Variants in VAPA observed in about 807,000 individuals in gnomAD.
VAPA encodes VAMP associated protein A.
A neutral mutation model predicts 25.6 loss-of-function variants in VAPA; 6 were observed. The observed-to-expected ratio is 0.23, with a 90% CI of 0.13 to 0.46. VAPA has a LOEUF of 0.46. Ranked by LOEUF, VAPA falls within the 20% of genes least tolerant of loss-of-function variation. The pLI, the probability that VAPA is intolerant of heterozygous loss-of-function variation, is 0.99. For synonymous variants in VAPA, 112 were observed against 106.2 expected, an observed-to-expected ratio of 1.05 and a Z score of -0.34; for missense variants, 244 against 302.1, an observed-to-expected ratio of 0.81 and a Z score of 1.43.
At position 9,954,293 on chromosome 18, in the gene VAPA, AGTATGGCCCAC is replaced by A; in HGVS notation, c.*84_*94del. The A allele has an allele frequency of 7.6e-7, 1 of 1,314,990 alleles. No homozygotes were observed. The highest frequency in any genetic ancestry group is 1.0e-6 in the Non-Finnish European group (1 of 952,462). The allele number at this position is 1,314,990 out of a possible 1,614,324, so 81.5% of individuals were successfully genotyped here. On this transcript the variant is annotated 3_prime_UTR_variant, in exon 6 of 6. Transcript: ENST00000400000. Reference sequence around the variant, plus strand: ...TTTGTTTACCTACCATTTCATTGGTAGTATGGCCCACGGTGACCATTTTTTTGTGTGTACAG... The same window carrying A: ...TTTGTTTACCTACCATTTCATTGGTAGGTGACCATTTTTTTGTGTGTACAG...
chr18:9,954,425 C>T lies in VAPA; in HGVS notation c.*214C>T. 2.1e-6 allele frequency: 1 copy of T among 467,298 alleles called. No homozygotes were observed. Among genetic ancestry groups the T allele is most frequent in the Non-Finnish European group, 3.7e-6 (1 of 267,272 alleles). The allele number at this position is 467,298 out of a possible 1,614,324, so 28.9% of individuals were successfully genotyped here. A position where few individuals can be genotyped will look rare whatever the true frequency, so the allele number is the denominator to read the frequency against. On this transcript the variant is annotated 3_prime_UTR_variant, in exon 6 of 6. Transcript: ENST00000400000. The stretch of plus-strand genomic sequence containing the variant: ...CTGGACAGGTTGTATATTACCAGAT[C>T]ATCACTAGCAGATGTCAGTTGCACA...
intron 2 of VAPA, among the ~76,000 whole-genome samples, chr18:9,932,830 C>T (rs185840339): frequency 1.0e-3 from 156 of 152,216 alleles, no homozygotes; most frequent in African/African-American, 3.5e-3. Flanking sequence ...ACATTTAGGC[C>T]GGGCGCGGTG....
chr18:9,914,047 T>C lies in VAPA; in HGVS notation c.-210T>C, dbSNP rs2069086747. ...CGCAAGTGCGCGTGGCCGTGGCGGC[T>C]GGTGTGGGGTTGAGTCAGTTGTGGG... On this transcript the variant is annotated 5_prime_UTR_variant, in exon 1 of 6. Transcript: ENST00000400000. 1 of 477,422 alleles carries C rather than the reference T, an allele frequency of 2.1e-6. No individual in the cohort carries two copies. Among genetic ancestry groups the C allele is most frequent in the South Asian group, 2.7e-5 (1 of 36,674 alleles). The allele number at this position is 477,422 out of a possible 1,614,324, so 29.6% of individuals were successfully genotyped here. A position where few individuals can be genotyped will look rare whatever the true frequency, so the allele number is the denominator to read the frequency against.
intron 5 of VAPA, 73 bp from the exon 6 acceptor site, chr18:9,953,980 A>T: frequency 6.3e-7 from 1 of 1,576,198 alleles, no homozygotes. Context: ...CCGTCCCTAT[A>T]GATTTTTAGC....
At chr18:9,948,370 T>C (rs1361542479) in intron 4 of VAPA, 2 of 152,176 alleles carry the variant, frequency 1.3e-5, no homozygotes, top group African/African-American at 2.4e-5. Flanking sequence ...AGGCATAGAA[T>C]AGAATATTTA....
At chr18:9,932,361 A>G (rs186830587) in intron 2 of VAPA, among the ~76,000 whole-genome samples, 1 of 152,302 alleles carries the variant, frequency 6.6e-6, no homozygotes, top group East Asian at 1.9e-4. Flanking sequence ...AAAAGGTGCA[A>G]TGCCACTTTT....
chr18:9,926,030 C>T (rs2069197568), intron 1 of VAPA, among the ~76,000 whole-genome samples: 1 of 152,066 alleles, frequency 6.6e-6, no homozygotes, highest in Non-Finnish European at 1.5e-5. Context: ...TGTTTACCTT[C>T]TAAGTTGAAT....
chr18:9,921,002 CT>C (rs1480998042), intron 1 of VAPA, among the ~76,000 whole-genome samples: 1 of 152,222 alleles, frequency 6.6e-6, no homozygotes, highest in Non-Finnish European at 1.5e-5. Flanking sequence ...AATAACAGTA[CT>C]TTCACATTAG....
At chr18:9,944,378 A>G (rs1356332554) in intron 4 of VAPA, among the ~76,000 whole-genome samples, 5 of 152,174 alleles carry the variant, frequency 3.3e-5, no homozygotes, top group Non-Finnish European at 5.9e-5. Context: ...TTTATCTATT[A>G]AAGGAATTTG....
chr18:9,921,120 C>T (rs2069153539), intron 1 of VAPA, among the ~76,000 whole-genome samples: 1 of 152,174 alleles, frequency 6.6e-6, no homozygotes, highest in African/African-American at 2.4e-5. Context: ...AAAATGATTG[C>T]CCAGTAAGTG....
In VAPA at chr18:9,956,221, G is replaced by C. The variant is rs1302988497; in HGVS notation, c.*2010G>C. ...TCACAGGTAGGTAGAGGCAGAGCTG[G>C]AACTAGATATCTGGTCTGTTGACTC... On this transcript the variant is annotated 3_prime_UTR_variant, in exon 6 of 6. Transcript: ENST00000400000. 6.6e-6 allele frequency: 1 copy of C among 152,138 alleles called. No homozygotes were observed. The highest frequency in any genetic ancestry group is 2.4e-5 in the African/African-American group (1 of 41,412). 9.4% of individuals were successfully genotyped at this position (152,138 alleles called of 1,614,324 possible).
At chr18:9,945,230 A>G (rs1035835829) in intron 4 of VAPA, among the ~76,000 whole-genome samples, 9 of 152,182 alleles carry the variant, frequency 5.9e-5, no homozygotes, top group African/African-American at 1.9e-4. Context: ...ATGCATACAA[A>G]CTATTCTGTT....
intron 1 of VAPA, among the ~76,000 whole-genome samples, chr18:9,918,929 C>CTCAG (rs2069134813): frequency 6.6e-6 from 1 of 152,190 alleles, no homozygotes; most frequent in Non-Finnish European, 1.5e-5. Flanking sequence ...TGGGGTCTTG[C>CTCAG]TCAGTTGCTC....
At position 9,937,004 on chromosome 18, in the gene VAPA, G is replaced by A. The variant is rs1127670; in HGVS notation, c.355G>A (p.Asp119Asn). The A allele has an allele frequency of 1.9e-6, 3 of 1,613,674 alleles. No individual in the cohort carries two copies. Among genetic ancestry groups the A allele is most frequent in the Non-Finnish European group, 2.5e-6 (3 of 1,179,872 alleles). The change falls in exon 4 of 6, where the codon GAT becomes AAT. Residue 119 changes from aspartate (D) to asparagine (N), a missense_variant. Asp to Asn is a conservative substitution (Grantham distance 23). Around this residue, in one of 2 missense-constraint regions of VAPA, gnomAD observed 99 missense variants for 161.6 expected, o/e 0.61. Coordinates refer to ENST00000400000, the MANE Select transcript of VAPA (RefSeq NM_194434.3). ...MEAVWKEAKP[D>N]ELMDSKLRCV... ...TTTTTAGTGGAAAGAGGCAAAACCT[G>A]ATGAATTAATGGATTCCAAATTGAG...
At chr18:9,938,525 T>C (rs1263824068) in intron 4 of VAPA, among the ~76,000 whole-genome samples, 2 of 152,226 alleles carry the variant, frequency 1.3e-5, no homozygotes, top group African/African-American at 4.8e-5. Flanking sequence ...GGGTCTGTTT[T>C]AGCGCTTGAA....
rs2069538098 is a variant in VAPA, at chr18:9,955,422, T to C, written c.*1211T>C. On this transcript the variant is annotated 3_prime_UTR_variant, in exon 6 of 6. Coordinates refer to ENST00000400000, the MANE Select transcript of VAPA (RefSeq NM_194434.3). ...GTATGCGTTACAGGGTTTGATACTT[T>C]CCTGCACTTAGGTTTGTCCTATTCT... 6.6e-6 allele frequency: 1 copy of C among 152,232 alleles called. No homozygotes were observed. Among genetic ancestry groups the C allele is most frequent in the African/African-American group, 2.4e-5 (1 of 41,470 alleles). 9.4% of individuals were successfully genotyped at this position (152,232 alleles called of 1,614,324 possible). A position where few individuals can be genotyped will look rare whatever the true frequency, so the allele number is the denominator to read the frequency against.
intron 4 of VAPA, chr18:9,949,209 C>G (rs528318693): frequency 1.3e-5 from 2 of 152,204 alleles, no homozygotes; most frequent in Non-Finnish European, 2.9e-5. Context: ...AAAAAGCTAG[C>G]AAGAGAAAAA....
At position 9,956,007 on chromosome 18, in the gene VAPA, A is replaced by G. The variant is rs1051083826; in HGVS notation, c.*1796A>G. On this transcript the variant is annotated 3_prime_UTR_variant, in exon 6 of 6. Transcript: ENST00000400000. ...TTGGCTTAAAGCTCTTATATAATCA[A>G]TATTATTGGTGGTAAATACCAAGTT... is the stretch of plus-strand genomic sequence containing the variant. 3 of 152,166 alleles carry G rather than the reference A, an allele frequency of 2.0e-5. No individual in the cohort carries two copies. Among genetic ancestry groups the G allele is most frequent in the African/African-American group, 4.8e-5 (2 of 41,434 alleles). The allele number at this position is 152,166 out of a possible 1,614,324, so 9.4% of individuals were successfully genotyped here. A position where few individuals can be genotyped will look rare whatever the true frequency, so the allele number is the denominator to read the frequency against.
At chr18:9,937,275 C>T (rs965700462) in intron 4 of VAPA, among the ~76,000 whole-genome samples, 5 of 145,840 alleles carry the variant, frequency 3.4e-5, no homozygotes, top group African/African-American at 1.0e-4. Flanking sequence ...AAGAAAGACT[C>T]ACTTTTAGGT....
Sources: allele counts gnomAD v4.1 joint callset (sites outside exome capture counted in the v4.1 genomes callset), GRCh38; gene constraint gnomAD v4.1.1; regional missense constraint gnomAD v4.1.1; transcripts MANE v1.5; gene names NCBI Gene and HGNC (gene_info 2026-07-23, HGNC 2026-07-21).